The following KIF16B variants were observed in gnomAD, a reference collection of about 807,000 sequenced individuals.
The protein encoded by KIF16B is kinesin family member 16B.
A neutral mutation model predicts 156.3 loss-of-function variants in KIF16B; 98 were observed. The ratio of observed to expected loss-of-function variants is 0.63; its 90% CI spans 0.53 to 0.74. The LOEUF (loss-of-function observed/expected upper bound fraction) is 0.74, where lower values mean the gene tolerates loss of function less well. Among genes scored for constraint, KIF16B ranks in the 30% least tolerant of loss-of-function variants. The pLI is 0.00. For synonymous variants in KIF16B, 564 were observed against 583.7 expected (o/e 0.97, Z 0.49); for missense variants, 1,421 against 1,606.5 (o/e 0.88, Z 1.97).
At chr20:16,403,783 G>C (rs971107126) in intron 17 of KIF16B, among the ~76,000 whole-genome samples, 5 of 152,208 alleles carry the variant, frequency 3.3e-5, no homozygotes, top group Non-Finnish European at 7.3e-5. Context: ...CCACAAACCA[G>C]AACACTGGCT....
intron 25 of KIF16B, among the ~76,000 whole-genome samples, chr20:16,276,387 C>G (rs2063061419): frequency 6.6e-6 from 1 of 152,144 alleles, no homozygotes; most frequent in Non-Finnish European, 1.5e-5. Context: ...ATGTCTTTTT[C>G]TTTAAATAAA....
intron 17 of KIF16B, among the ~76,000 whole-genome samples, chr20:16,397,194 G>A (rs1271412406): frequency 2.0e-5 from 3 of 152,240 alleles, no homozygotes; most frequent in South Asian, 4.1e-4. Context: ...TGCACCAGCT[G>A]AGGAGGAATG....
intron 25 of KIF16B, among the ~76,000 whole-genome samples, chr20:16,298,375 C>T (rs1284089586): frequency 6.6e-5 from 10 of 152,294 alleles, no homozygotes; most frequent in African/African-American, 1.2e-4. Flanking sequence ...GCAAGCTATA[C>T]GACTGACTGC....
chr20:16,546,909 T>C (rs1022062356), intron 1 of KIF16B, among the ~76,000 whole-genome samples: 1 of 152,124 alleles, frequency 6.6e-6, no homozygotes, highest in Non-Finnish European at 1.5e-5. Context: ...CCTGAGTAGC[T>C]GGGATTACAG....
At chr20:16,448,293 G>A (rs1227590496) in intron 12 of KIF16B, among the ~76,000 whole-genome samples, 1 of 152,080 alleles carries the variant, frequency 6.6e-6, no homozygotes, top group Non-Finnish European at 1.5e-5. Context: ...TTTTCATGCT[G>A]TGTTTATGCT....
intron 25 of KIF16B, among the ~76,000 whole-genome samples, chr20:16,280,940 G>A (rs747582423): frequency 7.3e-5 from 11 of 151,242 alleles, no homozygotes; most frequent in Non-Finnish European, 1.3e-4. Context: ...TTATCTGCTG[G>A]CTCTCTGCCT....
At chr20:16,358,890 T>C (rs902844854) in intron 22 of KIF16B, among the ~76,000 whole-genome samples, 4 of 152,260 alleles carry the variant, frequency 2.6e-5, no homozygotes, top group African/African-American at 9.6e-5. Flanking sequence ...AGATATATAA[T>C]GAAACATTGC....
intron 21 of KIF16B, among the ~76,000 whole-genome samples, 174 bp from the exon 22 acceptor site, chr20:16,370,810 A>C (rs1015709356): frequency 2.0e-5 from 3 of 152,202 alleles, no homozygotes; most frequent in Non-Finnish European, 4.4e-5. Context: ...GACTCTATTG[A>C]TCCATCTGCC....
At chr20:16,423,047 C>T (rs967463334) in intron 15 of KIF16B, among the ~76,000 whole-genome samples, 2 of 151,804 alleles carry the variant, frequency 1.3e-5, no homozygotes, top group Admixed American at 6.6e-5. Flanking sequence ...AACAGGAGGG[C>T]CAAGAAATAG....
intron 1 of KIF16B, among the ~76,000 whole-genome samples, chr20:16,543,785 G>C (rs910453794): frequency 6.6e-6 from 1 of 152,152 alleles, no homozygotes; most frequent in Non-Finnish European, 1.5e-5. Flanking sequence ...AGATGGACTT[G>C]GAAGAAGGAG....
intron 4 of KIF16B, 86 bp downstream of exon 4, chr20:16,515,462 C>T: frequency 2.7e-6 from 2 of 736,866 alleles, no homozygotes; most frequent in South Asian, 3.4e-5. Context: ...AAAGTTAGTA[C>T]AGACCAAATA....
chr20:16,342,197 T>C (rs1601603074), intron 23 of KIF16B, among the ~76,000 whole-genome samples: 1 of 152,122 alleles, frequency 6.6e-6, no homozygotes, highest in East Asian at 1.9e-4. Flanking sequence ...ATTAATTACA[T>C]AATTAATGTT....
chr20:16,406,506 G>C, intron 15 of KIF16B, 50 bp from the exon 16 acceptor site: 1 of 1,440,660 alleles, frequency 6.9e-7, no homozygotes, highest in Non-Finnish European at 9.8e-7. Flanking sequence ...AGTCTGGTCA[G>C]TTGCCAATAC....
chr20:16,544,629 A>C (rs1160905394), intron 1 of KIF16B, among the ~76,000 whole-genome samples: 1 of 151,356 alleles, frequency 6.6e-6, no homozygotes, highest in East Asian at 1.9e-4. Context: ...AAAAAAAAAA[A>C]AACTTCCTCT....
At chr20:16,468,239 G>A (rs1396766908) in intron 12 of KIF16B, among the ~76,000 whole-genome samples, 2 of 152,282 alleles carry the variant, frequency 1.3e-5, no homozygotes, top group Non-Finnish European at 1.5e-5. Flanking sequence ...ATTTCAGACA[G>A]AGTAAATGTC....
At chr20:16,452,614 T>A (rs1048501333) in intron 12 of KIF16B, among the ~76,000 whole-genome samples, 3 of 151,848 alleles carry the variant, frequency 2.0e-5, no homozygotes, top group Non-Finnish European at 4.4e-5. Context: ...GGTGGGTGGA[T>A]CACGAGGTCA....
At chr20:16,538,202 C>T (rs2070053691) in intron 1 of KIF16B, among the ~76,000 whole-genome samples, 1 of 152,154 alleles carries the variant, frequency 6.6e-6, no homozygotes, top group African/African-American at 2.4e-5. Flanking sequence ...ACACTGAGTC[C>T]ACCAAGCACA....
intron 12 of KIF16B, among the ~76,000 whole-genome samples, chr20:16,488,679 G>A (rs2068195362): frequency 6.6e-6 from 1 of 152,192 alleles, no homozygotes; most frequent in African/African-American, 2.4e-5. Context: ...GCACAATATT[G>A]TAGCCACGCA....
chr20:16,547,798 G>A (rs1362111868), intron 1 of KIF16B, among the ~76,000 whole-genome samples: 3 of 152,168 alleles, frequency 2.0e-5, no homozygotes, highest in East Asian at 1.9e-4. Flanking sequence ...AGGCAAGCAC[G>A]CTGACCATGG....
Sources: allele counts gnomAD v4.1 joint callset (sites outside exome capture counted in the v4.1 genomes callset), GRCh38; gene constraint gnomAD v4.1.1; transcripts MANE v1.5; gene names NCBI Gene and HGNC (gene_info 2026-07-23, HGNC 2026-07-21).